Variants in PCDH15 observed in about 807,000 individuals in gnomAD.
PCDH15 encodes the protein protocadherin related 15.
A neutral mutation model predicts 178.5 loss-of-function variants in PCDH15; 129 were observed. That is an observed-to-expected ratio of 0.72 (90% CI 0.63 to 0.84). The LOEUF (loss-of-function observed/expected upper bound fraction) is 0.84. PCDH15 is among the 40% of genes least tolerant of loss of function. The probability of loss-of-function intolerance (pLI) is 0.00; values close to 1 mark genes in which losing one functional copy is unlikely to be tolerated. For synonymous variants in PCDH15, 800 were observed against 732.0 expected (o/e 1.09, Z -1.50); for missense variants, 2,230 against 2,099.9 (o/e 1.06, Z -1.21).
intron 18 of PCDH15, among the ~76,000 whole-genome samples, chr10:54,047,371 G>A (rs2093676949): frequency 6.6e-6 from 1 of 150,672 alleles, no homozygotes; most frequent in South Asian, 2.1e-4. Flanking sequence ...TGTGTGGTGG[G>A]GGGTGGGGGT....
intron 20 of PCDH15, among the ~76,000 whole-genome samples, chr10:54,003,736 CAAAAAAAAAAAAA>C (rs55871741): frequency 2.6e-5 from 2 of 76,206 alleles, no homozygotes; most frequent in African/African-American, 5.3e-5. Context: ...CAAACTATTC[CAAAAAAAAAAAAA>C]AAAAAAAAAA....
At chr10:53,815,881 G>T (rs958235431) in intron 35 of PCDH15, among the ~76,000 whole-genome samples, 82 of 152,236 alleles carry the variant, frequency 5.4e-4, no homozygotes, top group African/African-American at 1.9e-3. Flanking sequence ...TTTAAACTTT[G>T]CATAATCTAA....
At position 54,291,910 on chromosome 10, in the gene PCDH15, C is replaced by T. The variant is rs531623783; in HGVS notation, c.876+25361G>A. Reference sequence around the variant, plus strand: ...CAGAGGTACGAAGAGGACTTGGAACCATTCCTTCTGAAACTATTCCAATTA... The same window carrying T: ...CAGAGGTACGAAGAGGACTTGGAACTATTCCTTCTGAAACTATTCCAATTA... On this transcript the variant is annotated intron_variant, in intron 8 of 37. Transcript: ENST00000644397. 1.2e-4 allele frequency among the ~76,000 whole-genome samples: 19 copies of T among 152,290 alleles called. 1 individual carries two copies. The South Asian group carries it at 3.9e-3, about 32-fold the overall frequency.
intron 8 of PCDH15, among the ~76,000 whole-genome samples, chr10:54,301,493 A>C (rs1039507064): frequency 5.3e-5 from 8 of 152,302 alleles, no homozygotes; most frequent in African/African-American, 1.9e-4. Flanking sequence ...TTATAAGGGA[A>C]TTAACTTTTA....
chr10:54,594,411 C>A (rs2092082172), intron 2 of PCDH15, among the ~76,000 whole-genome samples: 1 of 152,090 alleles, frequency 6.6e-6, no homozygotes, highest in African/African-American at 2.4e-5. Context: ...CCCCTGAGCA[C>A]CCTTTGGTGT....
chr10:54,828,471 T>C (rs1210113646), intron 3 of PCDH15, among the ~76,000 whole-genome samples: 1 of 141,310 alleles, frequency 7.1e-6, no homozygotes, highest in Non-Finnish European at 1.5e-5. Flanking sequence ...ATTGATGTTG[T>C]ACAAGATATA....
intron 3 of PCDH15, among the ~76,000 whole-genome samples, chr10:54,454,265 T>C (rs2076672704): frequency 1.3e-5 from 2 of 149,654 alleles, no homozygotes; most frequent in South Asian, 4.2e-4. Context: ...GAATAATAAT[T>C]GCTTTTCATT....
At chr10:55,561,710 A>C (rs1589139374) in intron 2 of PCDH15, among the ~76,000 whole-genome samples, 1 of 152,004 alleles carries the variant, frequency 6.6e-6, no homozygotes, top group Non-Finnish European at 1.5e-5. Context: ...ACCAGAGTAA[A>C]CCTGTGGAAA....
intron 1 of PCDH15, among the ~76,000 whole-genome samples, chr10:54,785,471 A>T (rs914990776): frequency 5.9e-5 from 9 of 152,034 alleles, no homozygotes; most frequent in Admixed American, 5.3e-4. Context: ...TTAAGAAACA[A>T]CCCATAGAGT....
chr10:54,373,666 G>A (rs1239177376), intron 4 of PCDH15, among the ~76,000 whole-genome samples: 1 of 151,920 alleles, frequency 6.6e-6, no homozygotes, highest in Non-Finnish European at 1.5e-5. Flanking sequence ...GGATTAATAT[G>A]ACTTAGTCCT....
At chr10:54,383,621 GTGTGTTTT>G (rs761109822) in intron 3 of PCDH15, among the ~76,000 whole-genome samples, 8,764 of 90,990 alleles carry the variant, frequency 0.096, 325 homozygotes, top group South Asian at 0.21. Context: ...TGCCGTGTAT[GTGTGTTTT>G]TGTGTGTGTG....
intron 1 of PCDH15, among the ~76,000 whole-genome samples, chr10:54,770,283 T>C (rs1346811222): frequency 6.6e-6 from 1 of 152,148 alleles, no homozygotes; most frequent in Non-Finnish European, 1.5e-5. Flanking sequence ...CATCTTTCAC[T>C]CTATTATTCA....
intron 8 of PCDH15, among the ~76,000 whole-genome samples, chr10:54,298,195 C>T (rs189896223): frequency 6.6e-6 from 1 of 152,168 alleles, no homozygotes; most frequent in Non-Finnish European, 1.5e-5. Flanking sequence ...AGGAAATACA[C>T]TCCACTGTCA....
chr10:53,876,846 G>A (rs914264114), intron 26 of PCDH15, among the ~76,000 whole-genome samples: 18 of 152,170 alleles, frequency 1.2e-4, no homozygotes, highest in African/African-American at 4.1e-4. Flanking sequence ...TGTAGAAACA[G>A]CAATGTAATA....
intron 2 of PCDH15, among the ~76,000 whole-genome samples, chr10:55,526,422 T>C (rs1336313191): frequency 1.3e-5 from 2 of 152,032 alleles, no homozygotes; most frequent in African/African-American, 4.8e-5. Flanking sequence ...TAATTTATTT[T>C]TTATTTGTCA....
chr10:55,503,932 G>A (rs989309262), intron 2 of PCDH15, among the ~76,000 whole-genome samples: 1 of 151,370 alleles, frequency 6.6e-6, no homozygotes, highest in African/African-American at 2.4e-5. Context: ...ATCTGAGAAG[G>A]CTACATACTC....
chr10:55,480,361 A>G (rs1268650201), intron 2 of PCDH15, among the ~76,000 whole-genome samples: 1 of 151,610 alleles, frequency 6.6e-6, no homozygotes, highest in African/African-American at 2.4e-5. Flanking sequence ...AACTTTCAAC[A>G]CTTTGTTTAA....
chr10:54,011,901 C>T (rs2092598373), intron 20 of PCDH15, among the ~76,000 whole-genome samples: 1 of 152,176 alleles, frequency 6.6e-6, no homozygotes, highest in Admixed American at 6.5e-5. Context: ...CTCCAAACAA[C>T]TGTACTAGTT....
chr10:54,990,661 G>C (rs911696915), intron 2 of PCDH15, among the ~76,000 whole-genome samples: 10 of 152,062 alleles, frequency 6.6e-5, no homozygotes, highest in African/African-American at 2.2e-4. Context: ...TTGCAAATTA[G>C]AAATTCTGAG....
Sources: allele counts gnomAD v4.1 joint callset (sites outside exome capture counted in the v4.1 genomes callset), GRCh38; gene constraint gnomAD v4.1.1; transcripts MANE v1.5; gene names NCBI Gene and HGNC (gene_info 2026-07-23, HGNC 2026-07-21).